Variants in UBE3B observed in about 807,000 individuals in gnomAD.
UBE3B encodes ubiquitin protein ligase E3B.
In UBE3B, 80 loss-of-function variants were observed where a neutral mutation model predicts 132.3. The observed-to-expected ratio is 0.60, with a 90% CI of 0.50 to 0.73. UBE3B has a LOEUF of 0.73. UBE3B is among the 30% of genes least tolerant of loss of function. UBE3B has a pLI of 0.00. For synonymous variants in UBE3B, 487 were observed against 520.4 expected (o/e 0.94, Z 0.87); for missense variants, 1,196 against 1,362.5 (o/e 0.88, Z 1.92).
intron 21 of UBE3B, among the ~76,000 whole-genome samples, chr12:109,523,061 C>T (rs549694492): frequency 6.6e-6 from 1 of 152,340 alleles, no homozygotes; most frequent in South Asian, 2.1e-4. Context: ...TCACCTCTGA[C>T]AGTAATTGTG....
intron 19 of UBE3B, chr12:109,519,847 A>C (rs1881483562): frequency 6.6e-6 from 1 of 151,178 alleles, no homozygotes; most frequent in Admixed American, 6.6e-5. Flanking sequence ...CTTGAGAGGT[A>C]ATTTTCCCTT....
Position 109,526,612 on chromosome 12 carries a change from C to A in UBE3B, c.2627+196C>A, listed in dbSNP as rs527988647. On this transcript the variant is annotated intron_variant, in intron 24 of 27. Transcript: ENST00000342494. ...TTGCGGCCGGGCACAGTGGCTCATG[C>A]CTATAATCCCAGCACTTTGTTAGGC... Among the ~76,000 whole-genome samples, 41 of 152,278 alleles carry A rather than the reference C, an allele frequency of 2.7e-4. No individual in the cohort carries two copies. In the South Asian group the frequency reaches 2.9e-3, roughly 11 times the overall value.
At position 109,511,313 on chromosome 12, in the gene UBE3B, A is replaced by G; in HGVS notation, c.1956+10A>G. 6.2e-7 allele frequency: 1 copy of G among 1,613,244 alleles called. No individual in the cohort carries two copies. On this transcript the variant is annotated intron_variant, in intron 18 of 27. Transcript: ENST00000342494. ...CATCCCTCACAAAAACGTGAGTTGC[A>G]CTCAGAGCTGGGCCCCGATGTGTCT...
chr12:109,513,168 T>C (rs1399980594), intron 18 of UBE3B, among the ~76,000 whole-genome samples: 3 of 152,136 alleles, frequency 2.0e-5, no homozygotes, highest in Non-Finnish European at 4.4e-5. Flanking sequence ...GGTTTGGTGG[T>C]GTCTGGTTTA....
In UBE3B at chr12:109,516,865, G is replaced by A. The variant is rs371575065; in HGVS notation, c.2057G>A (p.Arg686His). Residue 686 changes from arginine to histidine, a missense_variant, in exon 19 of 28, where the codon CGC becomes CAC. Physicochemically the swap from Arg to His is conservative, Grantham distance 29. Transcript: ENST00000342494. Reference protein sequence around the residue: ...ASPHVTHITIRRSRMLEDGYE... With the variant: ...ASPHVTHITIHRSRMLEDGYE... Reference sequence around the variant, plus strand: ...CCGCATGTCACTCACATCACCATCCGCCGGTCCAGGATGCTGGAGGTGAGT... The same window carrying A: ...CCGCATGTCACTCACATCACCATCCACCGGTCCAGGATGCTGGAGGTGAGT... 168 of 1,613,800 alleles carry A rather than the reference G, an allele frequency of 1.0e-4. No homozygotes were observed. In the Admixed American group the frequency reaches 1.7e-3, roughly 16 times the overall value.
At chr12:109,493,300 C>G (rs549446436) in intron 9 of UBE3B, among the ~76,000 whole-genome samples, 3 of 152,294 alleles carry the variant, frequency 2.0e-5, no homozygotes, top group African/African-American at 7.2e-5. Context: ...CACACTGAGG[C>G]CTGAACTTTC....
At chr12:109,495,778 C>G (rs112689626) in intron 9 of UBE3B, among the ~76,000 whole-genome samples, 15 of 152,360 alleles carry the variant, frequency 9.8e-5, no homozygotes, top group Middle Eastern at 3.4e-3. Context: ...CCTTAAGGCA[C>G]AGATTGCTCA....
intron 2 of UBE3B, 76 bp from the exon 3 acceptor site, chr12:109,483,455 T>G (rs1566069964): frequency 2.1e-6 from 3 of 1,451,020 alleles, no homozygotes; most frequent in Non-Finnish European, 2.7e-6. Flanking sequence ...CTGCCCACCC[T>G]CTGCTCTTGA....
intron 6 of UBE3B, 65 bp from the exon 7 acceptor site, chr12:109,488,507 T>G: frequency 1.4e-6 from 2 of 1,448,438 alleles, no homozygotes; most frequent in Non-Finnish European, 1.9e-6. Context: ...AGTTGTAAAG[T>G]GAACACTTCA....
chr12:109,497,892 T>A lies in UBE3B; in HGVS notation c.788T>A (p.Leu263Gln). ...ATCCACATCATGTCTGTGCCTGCTCTGGTGACTCATCTCAGCACAGTGACC... is the reference window on the plus strand; with the variant it reads ...ATCCACATCATGTCTGTGCCTGCTCAGGTGACTCATCTCAGCACAGTGACC... The part of the protein sequence containing the change: ...FLIHIMSVPA[L>Q]VTHLSTVTPE... The change falls in exon 10 of 28, where the codon CTG becomes CAG. Residue 263 changes from leucine to glutamine, a missense_variant. Physicochemically the swap from Leu to Gln is moderately radical, Grantham distance 113 (BLOSUM62 -2). Transcript: ENST00000342494. The A allele has an allele frequency of 6.2e-7, 1 of 1,614,224 alleles. No individual in the cohort carries two copies. The highest frequency in any genetic ancestry group is 2.2e-5 in the East Asian group (1 of 44,890).
chr12:109,489,996 G>C lies in UBE3B; in HGVS notation c.622G>C (p.Val208Leu). ...GHLNQHGFYS[V>L]LQILLTRGLA... ...TCTCAACCAGCATGGATTTTATTCTGTGCTGCAGGTCTGTGACTCCTGCCC... is the reference window on the plus strand; with the variant it reads ...TCTCAACCAGCATGGATTTTATTCTCTGCTGCAGGTCTGTGACTCCTGCCC... The change falls in exon 8 of 28, where the codon GTG becomes CTG. Residue 208 changes from valine to leucine, a missense_variant. Transcript: ENST00000342494. The C allele has an allele frequency of 1.2e-6, 2 of 1,614,126 alleles. No individual in the cohort carries two copies. Among genetic ancestry groups the C allele is most frequent in the Non-Finnish European group, 1.7e-6 (2 of 1,180,008 alleles).
chr12:109,509,535 AT>A (rs1230575689), intron 15 of UBE3B, 60 bp from the exon 16 acceptor site: 27 of 1,119,310 alleles, frequency 2.4e-5, no homozygotes, highest in Non-Finnish European at 3.2e-5. Flanking sequence ...AGCAGTACAG[AT>A]TTTTTTTCTC....
rs913028895 is a variant in UBE3B, at chr12:109,536,363, A to G, written c.*1581A>G. 9 of 152,152 alleles carry G rather than the reference A, an allele frequency of 5.9e-5. No individual in the cohort carries two copies. The highest frequency in any genetic ancestry group is 1.7e-4 in the African/African-American group (7 of 41,404). 9.4% of individuals were successfully genotyped at this position (152,152 alleles called of 1,614,324 possible). On this transcript the variant is annotated 3_prime_UTR_variant, in exon 28 of 28. Transcript: ENST00000342494. ...GGCGGGTTCGTGCATACATGCGGGGACCCCAGACTGTCAGCACAGGGAAGA... is the reference window on the plus strand; with the variant it reads ...GGCGGGTTCGTGCATACATGCGGGGGCCCCAGACTGTCAGCACAGGGAAGA...
intron 13 of UBE3B, among the ~76,000 whole-genome samples, chr12:109,502,012 A>G (rs548769864): frequency 1.1e-4 from 17 of 152,256 alleles, no homozygotes; most frequent in Admixed American, 5.2e-4. Context: ...CACTAAGTTC[A>G]TATATAGCAA....
intron 24 of UBE3B, among the ~76,000 whole-genome samples, chr12:109,529,115 C>T (rs765271130): frequency 1.3e-5 from 2 of 152,118 alleles, no homozygotes; most frequent in Non-Finnish European, 2.9e-5. Context: ...GAGCTGAGAT[C>T]GCACCACTGC....
Position 109,499,678 on chromosome 12 carries a change from A to G in UBE3B, c.986A>G (p.Glu329Gly). The change falls in exon 12 of 28, where the codon GAG becomes GGG. Residue 329 changes from glutamate (E) to glycine (G), a missense_variant. Glu to Gly is a moderately conservative substitution (Grantham distance 98). Coordinates refer to ENST00000342494, the MANE Select transcript of UBE3B (RefSeq NM_130466.4). The part of the protein sequence containing the change: ...LGSLSPRVLE[E>G]ETDGFVSLLT... ...TCCCTCAGCCCCAGAGTGTTAGAGG[A>G]GGAGACAGATGGGTTCGTGAGTTTG... 6.2e-7 allele frequency: 1 copy of G among 1,612,746 alleles called. No homozygotes were observed. The highest frequency in any genetic ancestry group is 8.5e-7 in the Non-Finnish European group (1 of 1,179,268).
chr12:109,526,591 G>A lies in UBE3B; in HGVS notation c.2627+175G>A, dbSNP rs7312902. Among the ~76,000 whole-genome samples the A allele has an allele frequency of 5.3e-3, 814 of 152,296 alleles. 4 individuals are homozygous for A. The highest frequency in any genetic ancestry group is 0.018 in the African/African-American group (750 of 41,554). ...CAGAATTGTATTAAATTCAATTTGC[G>A]GCCGGGCACAGTGGCTCATGCCTAT... On this transcript the variant is annotated intron_variant, in intron 24 of 27. Transcript: ENST00000342494.
chr12:109,490,589 C>A, intron 8 of UBE3B: 1 of 1,535,872 alleles, frequency 6.5e-7, no homozygotes, highest in South Asian at 1.2e-5. Flanking sequence ...GCAGTTGTCT[C>A]GCTAGAGGAA....
At chr12:109,502,543 T>C (rs2135933563) in intron 13 of UBE3B, among the ~76,000 whole-genome samples, 1 of 152,286 alleles carries the variant, frequency 6.6e-6, no homozygotes, top group African/African-American at 2.4e-5. Flanking sequence ...GCTCAGCAAA[T>C]GTGACTCCAG....
Sources: gnomAD v4.1 joint callset for allele counts (sites outside exome capture counted in the v4.1 genomes callset) on GRCh38, gnomAD v4.1.1 for gene constraint, MANE v1.5 for transcripts, NCBI Gene and HGNC (gene_info 2026-07-23, HGNC 2026-07-21) for gene names.